Variants in TANC1 observed in about 807,000 individuals in gnomAD.
TANC1 encodes the protein protein TANC1.
A neutral mutation model predicts 149.7 loss-of-function variants in TANC1; 77 were observed. That is an observed-to-expected ratio of 0.51 (90% CI 0.43 to 0.62). TANC1 has a LOEUF of 0.62. TANC1 is among the 20% of genes least tolerant of loss of function. The pLI is 0.00. For synonymous variants in TANC1, 854 were observed against 925.0 expected (o/e 0.92, Z 1.39); for missense variants, 1,985 against 2,321.8 (o/e 0.85, Z 2.98).
chr2:159,063,931 G>C (rs77684417), intron 2 of TANC1, among the ~76,000 whole-genome samples: 2,422 of 152,218 alleles, frequency 0.016, 67 homozygotes, highest in African/African-American at 0.056. Context: ...GGATGTGGTG[G>C]GGCCTGAGCT....
intron 5 of TANC1, among the ~76,000 whole-genome samples, chr2:159,146,960 A>G (rs1040681644): frequency 6.6e-6 from 1 of 151,856 alleles, no homozygotes; most frequent in African/African-American, 2.4e-5. Flanking sequence ...AACACTTGAG[A>G]TCCTGGAGTA....
chr2:159,184,696 A>T (rs2056812461), intron 14 of TANC1, among the ~76,000 whole-genome samples: 1 of 152,122 alleles, frequency 6.6e-6, no homozygotes, highest in Non-Finnish European at 1.5e-5. Flanking sequence ...TTCCATGGGA[A>T]TAAGGGAGGA....
At chr2:159,154,008 C>G (rs1034053511) in intron 7 of TANC1, among the ~76,000 whole-genome samples, 1 of 152,200 alleles carries the variant, frequency 6.6e-6, no homozygotes, top group East Asian at 1.9e-4. Flanking sequence ...CTCCCAATTA[C>G]ACAGGGCCTG....
At chr2:159,181,928 C>T (rs1056727561) in intron 14 of TANC1, among the ~76,000 whole-genome samples, 1 of 151,988 alleles carries the variant, frequency 6.6e-6, no homozygotes, top group Non-Finnish European at 1.5e-5. Flanking sequence ...TGGCCGGGTG[C>T]GGTGGCTTAC....
chr2:159,040,805 T>C (rs918278039), intron 2 of TANC1, among the ~76,000 whole-genome samples: 1 of 152,242 alleles, frequency 6.6e-6, no homozygotes, highest in African/African-American at 2.4e-5. Flanking sequence ...TTTCCATTTC[T>C]GGTAAGGAGC....
intron 2 of TANC1, among the ~76,000 whole-genome samples, chr2:159,036,332 C>T (rs994325777): frequency 3.3e-5 from 5 of 152,202 alleles, no homozygotes; most frequent in East Asian, 3.9e-4. Context: ...TGCAAGCTGT[C>T]GCTGAACGTG....
intron 18 of TANC1, among the ~76,000 whole-genome samples, chr2:159,197,714 AT>A (rs1385950062): frequency 2.4e-4 from 36 of 152,118 alleles, no homozygotes; most frequent in African/African-American, 8.7e-4. Context: ...AGGACCATGA[AT>A]GCCTAGGAAT....
intron 2 of TANC1, among the ~76,000 whole-genome samples, chr2:159,024,089 A>G (rs1223152608): frequency 2.0e-5 from 3 of 152,244 alleles, no homozygotes; most frequent in African/African-American, 7.2e-5. Context: ...GTAACCCTAC[A>G]TTGCTTTTTT....
At chr2:159,047,435 T>C (rs2041157305) in intron 2 of TANC1, among the ~76,000 whole-genome samples, 1 of 151,832 alleles carries the variant, frequency 6.6e-6, no homozygotes. Context: ...AAAAATATCT[T>C]GGGCCCCCAA....
In TANC1 at chr2:159,097,734, G is replaced by A. The variant is rs1281725362; in HGVS notation, c.159G>A (p.Arg53=). ...SSLPTAEDTY[R]VSLAKGVSMS... is the part of the protein sequence containing the mutation. ...TTCCCACAGCAGAGGACACCTATAG[G>A]GTGAGCTTGGCCAAAGGTGTCTCGA... Residue 53 remains arginine (R), a synonymous_variant, in exon 4 of 27, where the codon AGG becomes AGA. Coordinates refer to ENST00000263635, the MANE Select transcript of TANC1 (RefSeq NM_033394.3). 2 of 1,613,874 alleles carry A rather than the reference G, an allele frequency of 1.2e-6. No individual in the cohort carries two copies. Among genetic ancestry groups the A allele is most frequent in the African/African-American group, 2.7e-5 (2 of 74,864 alleles).
chr2:159,215,745 A>T (rs1269651222), intron 19 of TANC1, among the ~76,000 whole-genome samples: 1 of 152,192 alleles, frequency 6.6e-6, no homozygotes, highest in African/African-American at 2.4e-5. Context: ...TGAACTATGT[A>T]TGAACAAAAT....
chr2:159,064,891 C>T (rs1287777360), intron 2 of TANC1, among the ~76,000 whole-genome samples: 4 of 152,154 alleles, frequency 2.6e-5, no homozygotes, highest in Admixed American at 6.5e-5. Flanking sequence ...CTCCTTGCCT[C>T]CCTTCCTCTG....
intron 2 of TANC1, among the ~76,000 whole-genome samples, chr2:159,030,362 G>GTGTA (rs2039682056): frequency 6.6e-6 from 1 of 152,180 alleles, no homozygotes; most frequent in East Asian, 1.9e-4. Flanking sequence ...TTATTCTAAA[G>GTGTA]TGTAGTACAC....
chr2:158,998,592 G>A (rs1199838799), intron 1 of TANC1, among the ~76,000 whole-genome samples: 2 of 152,198 alleles, frequency 1.3e-5, no homozygotes, highest in Non-Finnish European at 2.9e-5. Context: ...GGCATGCTCC[G>A]AGGTGAGCAC....
At position 159,231,706 on chromosome 2, in the gene TANC1, G is replaced by C. The variant is rs763022526; in HGVS notation, c.*694G>C. 6.6e-5 allele frequency: 10 copies of C among 152,134 alleles called. No homozygotes were observed. The highest frequency in any genetic ancestry group is 1.2e-4 in the Non-Finnish European group (8 of 68,030). The allele number at this position is 152,134 out of a possible 1,614,324, so 9.4% of individuals were successfully genotyped here. A position where few individuals can be genotyped will look rare whatever the true frequency, so the allele number is the denominator to read the frequency against. On this transcript the variant is annotated 3_prime_UTR_variant, in exon 27 of 27. Transcript: ENST00000263635. ...AAGGTGTTTTTGATATTTGGAAACA[G>C]TATAAGCCATTTGGAGTCATGATTG...
intron 9 of TANC1, among the ~76,000 whole-genome samples, 181 bp from the exon 10 acceptor site, chr2:159,170,343 A>G (rs1421508573): frequency 1.3e-5 from 2 of 152,146 alleles, no homozygotes; most frequent in Non-Finnish European, 2.9e-5. Flanking sequence ...AATAGGTCCA[A>G]TAGGGTATGG....
At position 159,229,859 on chromosome 2, in the gene TANC1, A is replaced by G. The variant is rs1447965409; in HGVS notation, c.4433A>G (p.Gln1478Arg). ...TCTGTTTCCCCAACTCCCAGGTCCC[A>G]GCCATCCTCATCTGTCCCTTCCTCA... is the stretch of plus-strand genomic sequence containing the variant. The part of the protein sequence containing the change: ...EESVSPTPRS[Q>R]PSSSVPSSYI... Residue 1478 changes from glutamine to arginine, a missense_variant, in exon 27 of 27, where the codon CAG (glutamine) becomes CGG (arginine). Transcript: ENST00000263635. 1.2e-6 allele frequency: 2 copies of G among 1,614,174 alleles called. No homozygotes were observed. The highest frequency in any genetic ancestry group is 1.7e-6 in the Non-Finnish European group (2 of 1,180,038).
chr2:159,058,374 T>G (rs890021755), intron 2 of TANC1, among the ~76,000 whole-genome samples: 4 of 152,228 alleles, frequency 2.6e-5, no homozygotes, highest in Non-Finnish European at 4.4e-5. Flanking sequence ...CCAGAATTCT[T>G]AAATTATTAG....
intron 7 of TANC1, among the ~76,000 whole-genome samples, chr2:159,153,608 A>G (rs1268792905): frequency 6.6e-6 from 1 of 152,198 alleles, no homozygotes; most frequent in East Asian, 1.9e-4. Context: ...AGGAGAAGGA[A>G]AAGACGCAAG....
Sources: gnomAD v4.1 joint callset for allele counts (sites outside exome capture counted in the v4.1 genomes callset) on GRCh38, gnomAD v4.1.1 for gene constraint, MANE v1.5 for transcripts, NCBI Gene and HGNC (gene_info 2026-07-23, HGNC 2026-07-21) for gene names.